SH3RF1: variants seen among roughly 807,000 people sequenced by gnomAD.
SH3RF1 encodes the protein SH3 domain containing ring finger 1.
In SH3RF1, 32 loss-of-function variants were observed where a neutral mutation model predicts 74.0. The observed-to-expected ratio is 0.43, with a 90% confidence interval of 0.33 to 0.58. The LOEUF is 0.58. Among genes scored for constraint, SH3RF1 ranks in the 20% least tolerant of loss-of-function variants. The pLI is 0.05. For synonymous variants in SH3RF1, 396 were observed against 439.6 expected (o/e 0.90, Z 1.24); for missense variants, 954 against 1,130.9 (o/e 0.84, Z 2.24).
intron 2 of SH3RF1, among the ~76,000 whole-genome samples, chr4:169,171,109 C>G (rs1435508534): frequency 6.6e-6 from 1 of 152,232 alleles, no homozygotes; most frequent in Non-Finnish European, 1.5e-5. Flanking sequence ...CTGTAACCTA[C>G]TCTTGCAGGA....
At chr4:169,258,134 G>A (rs997342169) in intron 2 of SH3RF1, among the ~76,000 whole-genome samples, 1 of 152,196 alleles carries the variant, frequency 6.6e-6, no homozygotes, top group African/African-American at 2.4e-5. Context: ...TTTTATAAAA[G>A]AGAAAACTAT....
chr4:169,159,614 A>C (rs1223403079), intron 2 of SH3RF1, among the ~76,000 whole-genome samples: 1 of 152,168 alleles, frequency 6.6e-6, no homozygotes, highest in Non-Finnish European at 1.5e-5. Context: ...GAATTCATAT[A>C]TATAAGCCAC....
At chr4:169,102,324 A>G (rs1292740994) in intron 11 of SH3RF1, among the ~76,000 whole-genome samples, 2 of 152,172 alleles carry the variant, frequency 1.3e-5, no homozygotes, top group East Asian at 3.8e-4. Flanking sequence ...GCCTTTCTGT[A>G]AATCTATCTC....
chr4:169,265,804 A>G (rs1281642880), intron 2 of SH3RF1, among the ~76,000 whole-genome samples: 2 of 152,340 alleles, frequency 1.3e-5, no homozygotes, highest in East Asian at 3.9e-4. Flanking sequence ...AGAGAAGTTA[A>G]TATCTATGCA....
intron 10 of SH3RF1, among the ~76,000 whole-genome samples, chr4:169,108,283 A>C (rs911472557): frequency 2.0e-5 from 3 of 152,226 alleles, no homozygotes; most frequent in African/African-American, 7.2e-5. Flanking sequence ...CTAACAGGGA[A>C]ACAGAAATTA....
At chr4:169,198,928 A>AT (rs1734865351) in intron 2 of SH3RF1, among the ~76,000 whole-genome samples, 1 of 152,240 alleles carries the variant, frequency 6.6e-6, no homozygotes, top group Admixed American at 6.5e-5. Flanking sequence ...GTGTAGAAAG[A>AT]TAAAAACTGA....
intron 2 of SH3RF1, among the ~76,000 whole-genome samples, chr4:169,221,564 TTCAA>T (rs1330045878): frequency 6.6e-6 from 1 of 152,116 alleles, no homozygotes; most frequent in Non-Finnish European, 1.5e-5. Context: ...GAAAAGAAAG[TTCAA>T]TCAAAGACAT....
At chr4:169,129,996 C>A in intron 6 of SH3RF1, 50 bp downstream of exon 6, 1 of 1,478,812 alleles carries the variant, frequency 6.8e-7, no homozygotes, top group Non-Finnish European at 9.4e-7. Flanking sequence ...GCCAGATTAA[C>A]ATGACTAAAG....
intron 2 of SH3RF1, among the ~76,000 whole-genome samples, chr4:169,228,750 T>C (rs755407619): frequency 2.6e-5 from 4 of 152,160 alleles, no homozygotes; most frequent in Admixed American, 6.5e-5. Context: ...CATGGAATCA[T>C]CCATCAGTAC....
intron 5 of SH3RF1, among the ~76,000 whole-genome samples, chr4:169,132,197 GA>G (rs1395417433): frequency 2.0e-5 from 3 of 152,184 alleles, no homozygotes; most frequent in Non-Finnish European, 2.9e-5. Flanking sequence ...CCTTGGGGCA[GA>G]AAAAAACTTA....
chr4:169,234,791 C>G (rs1730800414), intron 2 of SH3RF1, among the ~76,000 whole-genome samples: 1 of 152,100 alleles, frequency 6.6e-6, no homozygotes, highest in Non-Finnish European at 1.5e-5. Context: ...ATTTCTAAGT[C>G]GGGGTTTCTC....
intron 2 of SH3RF1, among the ~76,000 whole-genome samples, chr4:169,216,996 CA>C (rs560262654): frequency 0.49 from 40,275 of 82,608 alleles, 5,963 homozygotes; most frequent in South Asian, 0.55. Flanking sequence ...ACAAAAATTA[CA>C]AAAAAAAAAA....
intron 2 of SH3RF1, among the ~76,000 whole-genome samples, chr4:169,236,344 T>A (rs989755628): frequency 1.3e-5 from 2 of 152,216 alleles, no homozygotes; most frequent in Non-Finnish European, 1.5e-5. Context: ...GGAGCCTTTG[T>A]CGGCTGGGTC....
intron 2 of SH3RF1, among the ~76,000 whole-genome samples, chr4:169,225,707 G>C (rs1165371354): frequency 6.6e-6 from 1 of 152,208 alleles, no homozygotes; most frequent in African/African-American, 2.4e-5. Flanking sequence ...GTTATAAAAG[G>C]AAAGTGATAA....
At chr4:169,110,160 A>G (rs186620595) in intron 10 of SH3RF1, among the ~76,000 whole-genome samples, 27 of 152,094 alleles carry the variant, frequency 1.8e-4, no homozygotes, top group Admixed American at 7.2e-4. Context: ...GGATTGCTTG[A>G]GCCCAGGAGT....
intron 2 of SH3RF1, among the ~76,000 whole-genome samples, chr4:169,184,553 T>G (rs1045811738): frequency 6.6e-6 from 1 of 152,178 alleles, no homozygotes; most frequent in Non-Finnish European, 1.5e-5. Context: ...TGTAATAGTA[T>G]TCTGAAGAGA....
chr4:169,223,803 G>C (rs947396912), intron 2 of SH3RF1, among the ~76,000 whole-genome samples: 42 of 152,298 alleles, frequency 2.8e-4, no homozygotes, highest in Admixed American at 2.7e-3. Context: ...ATAAGAATGT[G>C]ATATGTGAGC....
chr4:169,122,674 A>G (rs1733461150), intron 6 of SH3RF1, among the ~76,000 whole-genome samples: 1 of 152,178 alleles, frequency 6.6e-6, no homozygotes, highest in South Asian at 2.1e-4. Flanking sequence ...CTGTAATCTG[A>G]AACTTAAACA....
chr4:169,256,410 C>A (rs1165565588), intron 2 of SH3RF1, among the ~76,000 whole-genome samples: 1 of 152,132 alleles, frequency 6.6e-6, no homozygotes, highest in Non-Finnish European at 1.5e-5. Context: ...CTGACTCAAC[C>A]AGTGTCACAC....
Sources: allele counts gnomAD v4.1 joint callset (sites outside exome capture counted in the v4.1 genomes callset), GRCh38; gene constraint gnomAD v4.1.1; transcripts MANE v1.5; gene names NCBI Gene and HGNC (gene_info 2026-07-23, HGNC 2026-07-21).